The following EFCC1 variants were observed in gnomAD, a reference collection of about 807,000 sequenced individuals.
EFCC1 encodes EF-hand and coiled-coil domain-containing protein 1.
EFCC1 carries 50 observed loss-of-function variants against 52.1 expected under a neutral mutation model. The observed-to-expected ratio is 0.96, with a 90% CI of 0.76 to 1.21. EFCC1 has a LOEUF of 1.21. Ranked by LOEUF, EFCC1 falls within the 50% of genes most tolerant of loss-of-function variation. The pLI, the probability that EFCC1 is intolerant of heterozygous loss-of-function variation, is 0.00. For synonymous variants in EFCC1, 399 were observed against 396.5 expected (o/e 1.01, Z -0.08); for missense variants, 837 against 867.3 (o/e 0.97, Z 0.44).
chr3:129,024,231 T>TA (rs1348020194), intron 2 of EFCC1, among the ~76,000 whole-genome samples: 1 of 152,000 alleles, frequency 6.6e-6, no homozygotes, highest in African/African-American at 2.4e-5. Context: ...GGGTAATTTA[T>TA]AAAGAAAAGA....
intron 2 of EFCC1, among the ~76,000 whole-genome samples, chr3:129,025,982 G>A (rs761896620): frequency 3.3e-5 from 5 of 152,300 alleles, no homozygotes; most frequent in Admixed American, 6.5e-5. Context: ...GGAGCCTCCC[G>A]CCTGAGTGCA....
At position 129,001,852 on chromosome 3, in the gene EFCC1, C is replaced by T. The variant is rs1484636335; in HGVS notation, c.224C>T (p.Pro75Leu). ...HLDCRGAGRL[P>L]RADFRALCAV... ...GACTGCCGCGGCGCCGGCCGTCTGC[C>T]CCGCGCCGACTTCCGAGCGCTCTGC... is the stretch of plus-strand genomic sequence containing the variant. The change falls in exon 1 of 8, where the codon CCC becomes CTC. Residue 75 changes from proline (P) to leucine (L), a missense_variant. Coordinates refer to ENST00000683648, the MANE Select transcript of EFCC1 (RefSeq NM_001377500.1). 3 of 1,546,150 alleles carry T rather than the reference C, an allele frequency of 1.9e-6. No individual in the cohort carries two copies. The highest frequency in any genetic ancestry group is 3.9e-5 in the Admixed American group (2 of 50,858).
chr3:129,038,733 G>A (rs1443098024), intron 6 of EFCC1, 98 bp from the exon 7 acceptor site: 4 of 1,191,346 alleles, frequency 3.4e-6, no homozygotes, highest in African/African-American at 1.5e-5. Flanking sequence ...CTGTCCCCAG[G>A]GAGCTGCCTA....
In EFCC1 at chr3:129,003,961, C is replaced by A. The variant is rs1944934765; in HGVS notation, c.864C>A (p.Ala288=). 1 of 1,444,980 alleles carries A rather than the reference C, an allele frequency of 6.9e-7. No homozygotes were observed. Among genetic ancestry groups the A allele is most frequent in the Non-Finnish European group, 9.1e-7 (1 of 1,104,610 alleles). The allele number at this position is 1,444,980 out of a possible 1,614,324, so 89.5% of individuals were successfully genotyped here. A position where few individuals can be genotyped will look rare whatever the true frequency, so the allele number is the denominator to read the frequency against. ...QAEVRRRAEE[A]RQVVLRSLHR... ...AGGTGCGGCGGCGCGCGGAGGAGGCCCGGCAGGTGGTGCTGCGCAGCCTGC... is the reference window on the plus strand; with the variant it reads ...AGGTGCGGCGGCGCGCGGAGGAGGCACGGCAGGTGGTGCTGCGCAGCCTGC... The change falls in exon 2 of 8, where the codon GCC becomes GCA. Residue 288 remains alanine, a synonymous_variant. Transcript: ENST00000683648.
At chr3:129,004,685 C>T (rs1176548941) in intron 2 of EFCC1, among the ~76,000 whole-genome samples, 1 of 152,056 alleles carries the variant, frequency 6.6e-6, no homozygotes, top group Non-Finnish European at 1.5e-5. Flanking sequence ...ACTAAGCACT[C>T]GCTGTTTGCC....
chr3:129,029,043 G>A (rs1946211152), intron 2 of EFCC1, among the ~76,000 whole-genome samples: 2 of 152,122 alleles, frequency 1.3e-5, no homozygotes, highest in Non-Finnish European at 2.9e-5. Context: ...TTGTATTCCA[G>A]TCCAGCCCTG....
chr3:129,015,075 T>G (rs1322570920), intron 2 of EFCC1, among the ~76,000 whole-genome samples: 2 of 152,104 alleles, frequency 1.3e-5, no homozygotes, highest in East Asian at 3.9e-4. Context: ...GGTTAATCTT[T>G]TCAACACCCA....
At chr3:129,013,772 C>G (rs554572520) in intron 2 of EFCC1, among the ~76,000 whole-genome samples, 2 of 152,164 alleles carry the variant, frequency 1.3e-5, no homozygotes, top group East Asian at 3.8e-4. Context: ...TGGCCCTGCC[C>G]GACACATGGG....
intron 2 of EFCC1, among the ~76,000 whole-genome samples, chr3:129,023,453 C>T (rs1393746342): frequency 6.6e-6 from 1 of 152,016 alleles, no homozygotes; most frequent in Non-Finnish European, 1.5e-5. Flanking sequence ...CTCAGCCTCC[C>T]GAGTAGCTGG....
At chr3:129,038,723 C>T in intron 6 of EFCC1, 108 bp from the exon 7 acceptor site, 1 of 1,076,780 alleles carries the variant, frequency 9.3e-7, no homozygotes, top group Non-Finnish European at 1.4e-6. Context: ...GGAGCTTTAT[C>T]TGTCCCCAGG....
chr3:129,011,789 T>C (rs569903625), intron 2 of EFCC1, among the ~76,000 whole-genome samples: 94 of 152,048 alleles, frequency 6.2e-4, no homozygotes, highest in Non-Finnish European at 1.1e-3. Flanking sequence ...GCCCACACTT[T>C]GGGCTGACAG....
intron 2 of EFCC1, among the ~76,000 whole-genome samples, chr3:129,006,969 A>G (rs1417443602): frequency 1.3e-5 from 2 of 152,322 alleles, no homozygotes; most frequent in East Asian, 3.9e-4. Flanking sequence ...GCACTTTTTC[A>G]TGTAAGCTCA....
intron 5 of EFCC1, among the ~76,000 whole-genome samples, chr3:129,036,175 C>G (rs1221943345): frequency 2.6e-5 from 4 of 152,236 alleles, no homozygotes; most frequent in Admixed American, 2.6e-4. Flanking sequence ...ATAGCCACCC[C>G]TTTTCTAAGA....
At chr3:129,009,122 T>C (rs1945204999) in intron 2 of EFCC1, among the ~76,000 whole-genome samples, 1 of 152,204 alleles carries the variant, frequency 6.6e-6, no homozygotes, top group Admixed American at 6.5e-5. Flanking sequence ...GGTGTTTCAG[T>C]GGCACTTCTC....
intron 2 of EFCC1, among the ~76,000 whole-genome samples, chr3:129,019,626 A>G (rs1945742608): frequency 1.3e-5 from 2 of 152,186 alleles, no homozygotes; most frequent in South Asian, 4.1e-4. Flanking sequence ...GCACTGTCCA[A>G]CTGGACTTTA....
rs184045517 is a variant in EFCC1 at position 129,009,867 on chromosome 3, G to A, written c.980+5790G>A. 4.9e-3 allele frequency among the ~76,000 whole-genome samples: 753 copies of A among 152,302 alleles called. 7 individuals carry two copies. The highest frequency in any genetic ancestry group is 0.017 in the African/African-American group (716 of 41,564). ...GGTGCTTTGGGAGTGGTTTCGGGGG[G>A]ACTCTGTAACCTCGCCAACCTGTGC... On this transcript the variant is annotated intron_variant, in intron 2 of 7. Coordinates refer to ENST00000683648, the MANE Select transcript of EFCC1 (RefSeq NM_001377500.1).
intron 2 of EFCC1, among the ~76,000 whole-genome samples, chr3:129,023,103 A>G (rs1020377572): frequency 6.6e-6 from 1 of 152,226 alleles, no homozygotes; most frequent in Non-Finnish European, 1.5e-5. Context: ...AACTTTAGAC[A>G]TATTAAATTT....
chr3:129,002,247 A>G lies in EFCC1; in HGVS notation c.619A>G (p.Asn207Asp), dbSNP rs1192536239. ...GCGCGTTGCGCGGCTGGAGGAGGAG[A>G]ATAGCAGCTTGCGCGAGTTGGTGGA... ...CERVARLEEE[N>D]SSLRELVEDL... The change falls in exon 1 of 8, where the codon AAT becomes GAT. Residue 207 changes from asparagine (N) to aspartate (D), a missense_variant. Transcript: ENST00000683648. 1 of 1,531,406 alleles carries G rather than the reference A, an allele frequency of 6.5e-7. No individual in the cohort carries two copies. Among genetic ancestry groups the G allele is most frequent in the East Asian group, 2.5e-5 (1 of 39,916 alleles). The allele number at this position is 1,531,406 out of a possible 1,614,324, so 94.9% of individuals were successfully genotyped here.
Position 129,001,576 on chromosome 3 carries a change from C to A in EFCC1, c.-53C>A. 2 of 1,346,828 alleles carry A rather than the reference C, an allele frequency of 1.5e-6. No homozygotes were observed. The highest frequency in any genetic ancestry group is 1.9e-6 in the Non-Finnish European group (2 of 1,055,226). The allele number at this position is 1,346,828 out of a possible 1,614,324, so 83.4% of individuals were successfully genotyped here. On this transcript the variant is annotated 5_prime_UTR_variant, in exon 1 of 8. Transcript: ENST00000683648. ...ACTCTGGGGCCGCCCCTGGAAGTGG[C>A]GGGGCGAAGGGACCGGAGGAGGGAC...
Sources: gnomAD v4.1 joint callset for allele counts (sites outside exome capture counted in the v4.1 genomes callset) on GRCh38, gnomAD v4.1.1 for gene constraint, MANE v1.5 for transcripts, NCBI Gene and HGNC (gene_info 2026-07-23, HGNC 2026-07-21) for gene names.